Variants in ARL17B observed in about 807,000 individuals in gnomAD.
The protein encoded by ARL17B is ARF like GTPase 17B.
At position 46,325,764 on chromosome 17, in the gene ARL17B, T is replaced by C. The variant is rs1296655732; in HGVS notation, c.260-26099A>G. On this transcript the variant is annotated intron_variant, in intron 3 of 4. Coordinates refer to the ARL17B transcript ENST00000434041. ...TGAAGTCTTCAATGGTGAAGGGTCA[T>C]TATGTCTGCAACTGACTCTCAAATG... 1.3e-4 allele frequency among the ~76,000 whole-genome samples: 10 copies of C among 78,538 alleles called. 2 individuals are homozygous for C. The highest frequency in any genetic ancestry group is 2.9e-4 in the African/African-American group (9 of 31,272). 51.5% of individuals were successfully genotyped at this position (78,538 alleles called of 152,430 possible).
intron 4 of ARL17B, among the ~76,000 whole-genome samples, chr17:46,279,184 CTTTTTTTT>C (rs1189159774): frequency 2.9e-5 from 4 of 136,994 alleles, no homozygotes; most frequent in Non-Finnish European, 6.3e-5. Flanking sequence ...TCTTTTTTTT[CTTTTTTTT>C]TTTTTTTTTG....
chr17:46,340,159 G>A (rs1290085327), intron 3 of ARL17B, among the ~76,000 whole-genome samples: 1 of 102,740 alleles, frequency 9.7e-6, no homozygotes, highest in Non-Finnish European at 2.4e-5. Context: ...CATTGAAAAA[G>A]GCTGCCAGAG....
chr17:46,278,101 C>G (rs1325043507), intron 4 of ARL17B, among the ~76,000 whole-genome samples: 1 of 152,142 alleles, frequency 6.6e-6, no homozygotes, highest in Non-Finnish European at 1.5e-5. Flanking sequence ...CGTGCACCAC[C>G]ATGCCTGGCT....
At chr17:46,315,924 T>C (rs543994265) in intron 3 of ARL17B, among the ~76,000 whole-genome samples, 1 of 71,634 alleles carries the variant, frequency 1.4e-5, no homozygotes, top group Non-Finnish European at 3.9e-5. Context: ...CTTTTTCTTT[T>C]TTTTTTTTCT....
intron 3 of ARL17B, among the ~76,000 whole-genome samples, chr17:46,344,038 C>CCA (rs1647708003): frequency 1.3e-5 from 1 of 74,676 alleles, no homozygotes; most frequent in Non-Finnish European, 2.4e-5. Flanking sequence ...GCCACTGCGC[C>CCA]CAGGCAAAAA....
At chr17:46,278,411 TGTTGTTG>T (rs1567849975) in intron 4 of ARL17B, among the ~76,000 whole-genome samples, 1 of 112,920 alleles carries the variant, frequency 8.9e-6, no homozygotes, top group Non-Finnish European at 2.3e-5. Flanking sequence ...GTTTTTTTTT[TGTTGTTG>T]TTTTAAGATG....
intron 4 of ARL17B, among the ~76,000 whole-genome samples, chr17:46,292,084 C>T (rs888880134): frequency 7.0e-6 from 1 of 143,512 alleles, no homozygotes; most frequent in Non-Finnish European, 1.5e-5. Context: ...GCAATCCCAG[C>T]ACTTTGAGAG....
intron 4 of ARL17B, among the ~76,000 whole-genome samples, chr17:46,288,897 GT>G (rs1158875397): frequency 2.0e-5 from 3 of 151,992 alleles, no homozygotes; most frequent in Admixed American, 6.5e-5. Flanking sequence ...TAGAGACAGG[GT>G]TTCACCATGT....
intron 4 of ARL17B, among the ~76,000 whole-genome samples, chr17:46,288,124 C>T (rs2732610): frequency 0.51 from 75,305 of 149,032 alleles, 19,052 homozygotes; most frequent in East Asian, 0.75. Context: ...AGGAATAATA[C>T]ATGGCTATGT....
intron 4 of ARL17B, among the ~76,000 whole-genome samples, chr17:46,282,834 G>C (rs541421146): frequency 1.6e-4 from 24 of 152,290 alleles, no homozygotes; most frequent in African/African-American, 5.3e-4. Context: ...AGATCACTGT[G>C]GGGGCTGGGC....
intron 4 of ARL17B, among the ~76,000 whole-genome samples, chr17:46,286,761 T>C (rs1479712502): frequency 6.6e-6 from 1 of 152,398 alleles, no homozygotes; most frequent in African/African-American, 2.4e-5. Flanking sequence ...TTTGGCTTCC[T>C]AAATTATTAA....
chr17:46,340,067 CAG>C (rs1567886481), intron 3 of ARL17B, among the ~76,000 whole-genome samples: 2 of 90,082 alleles, frequency 2.2e-5, no homozygotes, highest in East Asian at 4.9e-4. Flanking sequence ...GGGATTGATT[CAG>C]AGTTTTTTCT....
At chr17:46,286,697 T>C (rs1206144269) in intron 4 of ARL17B, among the ~76,000 whole-genome samples, 1 of 152,218 alleles carries the variant, frequency 6.6e-6, no homozygotes, top group Non-Finnish European at 1.5e-5. Context: ...GTATAACAAA[T>C]GTAGAAAAAA....
At chr17:46,291,477 C>T (rs1339479748) in intron 4 of ARL17B, among the ~76,000 whole-genome samples, 2 of 151,308 alleles carry the variant, frequency 1.3e-5, no homozygotes. Flanking sequence ...GGCTAACATG[C>T]TGTGTGTGAG....
At chr17:46,287,902 C>T (rs531763012) in intron 4 of ARL17B, among the ~76,000 whole-genome samples, 4 of 152,294 alleles carry the variant, frequency 2.6e-5, no homozygotes, top group South Asian at 2.1e-4. Flanking sequence ...ATGTAACAAA[C>T]GCTTATACAG....
chr17:46,280,675 G>A (rs1421643401), intron 4 of ARL17B, among the ~76,000 whole-genome samples: 2 of 145,258 alleles, frequency 1.4e-5, no homozygotes, highest in Non-Finnish European at 3.0e-5. Flanking sequence ...CCTGTTTCAA[G>A]TGATTCTCAT....
intron 4 of ARL17B, among the ~76,000 whole-genome samples, chr17:46,291,370 T>TGAGCAGGACTAAAACTGC (rs1446983636): frequency 1.3e-5 from 2 of 151,812 alleles, no homozygotes; most frequent in Non-Finnish European, 2.9e-5. Context: ...CACAAAACTG[T>TGAGCAGGACTAAAACTGC]GAGCAGGACT....
chr17:46,287,395 A>G (rs780245690), intron 4 of ARL17B, among the ~76,000 whole-genome samples: 1 of 152,268 alleles, frequency 6.6e-6, no homozygotes, highest in Non-Finnish European at 1.5e-5. Flanking sequence ...ATAGGTTTAA[A>G]AATGTATCTC....
At chr17:46,277,637 T>TCTTCCTTCCTTCC (rs1555610946) in intron 4 of ARL17B, among the ~76,000 whole-genome samples, 31 of 150,356 alleles carry the variant, frequency 2.1e-4, no homozygotes, top group Admixed American at 6.0e-4. Context: ...TTTTCTTTTC[T>TCTTCCTTCCTTCC]TTTCTTTCTT....
Sources: gnomAD v4.1 joint callset for allele counts (sites outside exome capture counted in the v4.1 genomes callset) on GRCh38, gnomAD v4.1.1 for gene constraint, MANE v1.5 for transcripts, NCBI Gene and HGNC (gene_info 2026-07-23, HGNC 2026-07-21) for gene names.